The following RAB3C variants were observed in gnomAD, a reference collection of about 807,000 sequenced individuals.
RAB3C encodes the protein RAB3C, member RAS oncogene family.
RAB3C carries 17 observed loss-of-function variants against 26.4 expected under a neutral mutation model. The observed-to-expected ratio is 0.64, with a 90% CI of 0.44 to 0.97. The LOEUF (loss-of-function observed/expected upper bound fraction) is 0.97, where lower values mean the gene tolerates loss of function less well. RAB3C is among the 50% of genes least tolerant of loss of function. RAB3C has a pLI of 0.00. For synonymous variants in RAB3C, 91 were observed against 95.9 expected (o/e 0.95, Z 0.30); for missense variants, 242 against 281.9 (o/e 0.86, Z 1.01).
At chr5:58,841,499 T>C (rs1186262499) in intron 4 of RAB3C, among the ~76,000 whole-genome samples, 1 of 152,096 alleles carries the variant, frequency 6.6e-6, no homozygotes, top group African/African-American at 2.4e-5. Context: ...GAGGTAGCTC[T>C]GGTCTCAAGA....
chr5:58,597,089 A>G (rs867431194), intron 1 of RAB3C, among the ~76,000 whole-genome samples: 1,792 of 64,470 alleles, frequency 0.028, 3 homozygotes, highest in South Asian at 0.053. Flanking sequence ...AATATATAAT[A>G]CATAATATAT....
intron 3 of RAB3C, among the ~76,000 whole-genome samples, chr5:58,787,438 G>A (rs141457516): frequency 6.6e-6 from 1 of 152,264 alleles, no homozygotes; most frequent in East Asian, 1.9e-4. Flanking sequence ...AGAATTGTGG[G>A]TAATTTTTTT....
At chr5:58,672,593 T>A (rs1179225542) in intron 2 of RAB3C, among the ~76,000 whole-genome samples, 1 of 152,200 alleles carries the variant, frequency 6.6e-6, no homozygotes, top group Admixed American at 6.5e-5. Flanking sequence ...TGCCTCTTAT[T>A]GAAGGACTTC....
At chr5:58,677,126 G>A (rs539516162) in intron 2 of RAB3C, among the ~76,000 whole-genome samples, 44 of 152,250 alleles carry the variant, frequency 2.9e-4, no homozygotes, top group East Asian at 1.2e-3. Context: ...CAGTCTTCAC[G>A]TGGTGTTCTC....
At chr5:58,594,851 CTTTT>C (rs368470766) in intron 1 of RAB3C, among the ~76,000 whole-genome samples, 1 of 133,208 alleles carries the variant, frequency 7.5e-6, no homozygotes, top group Admixed American at 7.7e-5. Context: ...AACATGTAGG[CTTTT>C]TTTTTTTTTT....
intron 1 of RAB3C, among the ~76,000 whole-genome samples, chr5:58,604,953 G>T (rs1209653880): frequency 3.9e-5 from 6 of 152,126 alleles, no homozygotes; most frequent in Non-Finnish European, 7.4e-5. Context: ...GCAGGAATGG[G>T]CTGCTTGGGG....
At chr5:58,697,417 G>A (rs2111871839) in intron 2 of RAB3C, among the ~76,000 whole-genome samples, 1 of 152,258 alleles carries the variant, frequency 6.6e-6, no homozygotes, top group South Asian at 2.1e-4. Flanking sequence ...GGGGTGGAGA[G>A]TTTTGTAGAT....
chr5:58,726,759 T>C (rs757694837), intron 3 of RAB3C, among the ~76,000 whole-genome samples: 7 of 152,042 alleles, frequency 4.6e-5, no homozygotes, highest in Non-Finnish European at 7.4e-5. Flanking sequence ...GACTCATAGC[T>C]GCATGAAACT....
chr5:58,770,215 G>C (rs940634840), intron 3 of RAB3C, among the ~76,000 whole-genome samples: 6 of 152,150 alleles, frequency 3.9e-5, no homozygotes, highest in Admixed American at 1.3e-4. Flanking sequence ...ATTCTCTCCT[G>C]CTAATGGGTT....
intron 4 of RAB3C, among the ~76,000 whole-genome samples, chr5:58,827,344 C>T (rs535179364): frequency 6.6e-6 from 1 of 152,228 alleles, no homozygotes; most frequent in East Asian, 1.9e-4. Context: ...TGTAGGCTGT[C>T]TCTATGAATA....
intron 2 of RAB3C, among the ~76,000 whole-genome samples, chr5:58,698,859 A>T (rs954378758): frequency 6.6e-6 from 1 of 151,928 alleles, no homozygotes; most frequent in African/African-American, 2.4e-5. Context: ...CTTCCTTGTG[A>T]TGGGTTCGAG....
At chr5:58,738,297 G>A (rs1029184009) in intron 3 of RAB3C, among the ~76,000 whole-genome samples, 3 of 152,122 alleles carry the variant, frequency 2.0e-5, no homozygotes, top group African/African-American at 4.8e-5. Flanking sequence ...AAAAAAAAAT[G>A]TAAAGCCTTG....
At position 58,829,774 on chromosome 5, in the gene RAB3C, T is replaced by A. The variant is rs1286034207; in HGVS notation, c.496+4612T>A. Reference sequence around the variant, plus strand: ...AATTCCAGATTCATCCCCTGTACCCTTCCTTCTTGTCCAGCACTGAACCCC... The same window carrying A: ...AATTCCAGATTCATCCCCTGTACCCATCCTTCTTGTCCAGCACTGAACCCC... On this transcript the variant is annotated intron_variant, in intron 4 of 4. Coordinates refer to ENST00000282878, the MANE Select transcript of RAB3C (RefSeq NM_138453.4). 2.6e-5 allele frequency among the ~76,000 whole-genome samples: 4 copies of A among 152,306 alleles called. No individual in the cohort carries two copies. In the East Asian group the frequency reaches 7.7e-4, roughly 29 times the overall value.
chr5:58,724,339 A>T (rs961114266), intron 2 of RAB3C, among the ~76,000 whole-genome samples: 3 of 151,770 alleles, frequency 2.0e-5, no homozygotes, highest in African/African-American at 7.3e-5. Flanking sequence ...CGGCTATCTA[A>T]TGGGAGAGAA....
intron 3 of RAB3C, among the ~76,000 whole-genome samples, chr5:58,758,240 G>A (rs1219597053): frequency 1.3e-5 from 2 of 151,962 alleles, no homozygotes; most frequent in Non-Finnish European, 2.9e-5. Flanking sequence ...CACGGTGCCC[G>A]GCCTTTATTT....
chr5:58,722,523 C>A (rs748637814), intron 2 of RAB3C, among the ~76,000 whole-genome samples: 1 of 151,504 alleles, frequency 6.6e-6, no homozygotes, highest in African/African-American at 2.4e-5. Context: ...CTGGAAAATA[C>A]GAACCCAAGC....
chr5:58,656,192 A>G (rs561479309), intron 2 of RAB3C, among the ~76,000 whole-genome samples: 1 of 152,320 alleles, frequency 6.6e-6, no homozygotes, highest in South Asian at 2.1e-4. Context: ...GCTGACCAAA[A>G]ACAACTAGAA....
chr5:58,643,182 A>G (rs1225092408), intron 2 of RAB3C, among the ~76,000 whole-genome samples: 1 of 152,214 alleles, frequency 6.6e-6, no homozygotes, highest in Non-Finnish European at 1.5e-5. Context: ...TTTCCCAAGC[A>G]TGGGGCATGT....
At chr5:58,828,901 C>CTTTTTTTTTTTTTTTT (rs762653092) in intron 4 of RAB3C, among the ~76,000 whole-genome samples, 1 of 122,446 alleles carries the variant, frequency 8.2e-6, no homozygotes. Context: ...TTTTACCATG[C>CTTTTTTTTTTTTTTTT]TTTTTTTTTT....
Sources: gnomAD v4.1 joint callset for allele counts (sites outside exome capture counted in the v4.1 genomes callset) on GRCh38, gnomAD v4.1.1 for gene constraint, MANE v1.5 for transcripts, NCBI Gene and HGNC (gene_info 2026-07-23, HGNC 2026-07-21) for gene names.